CLEC16A: variants seen among roughly 807,000 people sequenced by gnomAD.
The protein encoded by CLEC16A is C-type lectin domain containing 16A, also known as protein CLEC16A.
CLEC16A carries 51 observed loss-of-function variants against 109.5 expected under a neutral mutation model. The ratio of observed to expected loss-of-function variants is 0.47; its 90% CI spans 0.37 to 0.59. The LOEUF is 0.59. Ranked by LOEUF, CLEC16A falls within the 20% of genes least tolerant of loss-of-function variation. The pLI is 0.00. For synonymous variants in CLEC16A, 673 were observed against 564.2 expected (o/e 1.19, Z -2.73); for missense variants, 1,339 against 1,394.0 (o/e 0.96, Z 0.63).
chr16:10,960,393 C>G (rs984128801), intron 2 of CLEC16A, among the ~76,000 whole-genome samples: 1 of 152,172 alleles, frequency 6.6e-6, no homozygotes, highest in African/African-American at 2.4e-5. Flanking sequence ...GAATGTCTCC[C>G]AATCTGGGTT....
At chr16:11,132,990 G>A (rs1032562438) in intron 22 of CLEC16A, among the ~76,000 whole-genome samples, 1 of 152,160 alleles carries the variant, frequency 6.6e-6, no homozygotes, top group African/African-American at 2.4e-5. Flanking sequence ...GTGGTGGTTT[G>A]GGTGTGAGCT....
At chr16:11,042,514 C>T (rs540518436) in intron 15 of CLEC16A, among the ~76,000 whole-genome samples, 151 bp downstream of exon 15, 1 of 152,354 alleles carries the variant, frequency 6.6e-6, no homozygotes, top group South Asian at 2.1e-4. Flanking sequence ...TGAGACCCCA[C>T]TCCAACCTAC....
At chr16:10,958,023 G>T in intron 2 of CLEC16A, 113 bp downstream of exon 2, 2 of 1,051,920 alleles carry the variant, frequency 1.9e-6, no homozygotes, top group Non-Finnish European at 2.7e-6. Context: ...ATTTGATCTT[G>T]CCTAGATATC....
chr16:11,158,136 G>C (rs1435400515), intron 22 of CLEC16A, among the ~76,000 whole-genome samples: 1 of 152,214 alleles, frequency 6.6e-6, no homozygotes, highest in Non-Finnish European at 1.5e-5. Context: ...ATAAGGCCAT[G>C]CACACTTGCT....
At position 11,159,901 on chromosome 16, in the gene CLEC16A, A is replaced by G. The variant is rs27923; in HGVS notation, c.2642-6487A>G. Among the ~76,000 whole-genome samples, 298 of 152,324 alleles carry G rather than the reference A, an allele frequency of 2.0e-3. 2 individuals carry two copies. Among genetic ancestry groups the G allele is most frequent in the African/African-American group, 7.0e-3 (289 of 41,562 alleles). On this transcript the variant is annotated intron_variant, in intron 22 of 23. Coordinates refer to ENST00000409790, the MANE Select transcript of CLEC16A (RefSeq NM_015226.3). ...GGCATTTAGGCTTGGGTTTTAAAAT[A>G]TAACATAAGCCATCTCAAACCCTTC...
At chr16:10,985,920 G>T (rs539569921) in intron 10 of CLEC16A, among the ~76,000 whole-genome samples, 103 of 148,866 alleles carry the variant, frequency 6.9e-4, no homozygotes, top group African/African-American at 2.6e-3. Flanking sequence ...TGGCCAGGCT[G>T]CTCTTGAACT....
intron 10 of CLEC16A, among the ~76,000 whole-genome samples, 161 bp downstream of exon 10, chr16:10,983,152 A>C (rs952941822): frequency 3.3e-5 from 5 of 152,252 alleles, no homozygotes; most frequent in African/African-American, 1.2e-4. Flanking sequence ...TCTTGATTGC[A>C]TACCCAAGAG....
intron 18 of CLEC16A, among the ~76,000 whole-genome samples, chr16:11,054,928 C>A: frequency 1.5e-5 from 2 of 137,544 alleles, no homozygotes. Flanking sequence ...CAAAGGTTTT[C>A]TTTCTTTTTT....
chr16:10,985,400 C>T (rs188354754), intron 10 of CLEC16A, among the ~76,000 whole-genome samples: 13 of 152,078 alleles, frequency 8.5e-5, no homozygotes, highest in African/African-American at 3.1e-4. Flanking sequence ...ATCTGGTCCC[C>T]ATCAATGCAC....
chr16:11,063,083 A>T (rs1056664332), intron 19 of CLEC16A, among the ~76,000 whole-genome samples: 1 of 152,132 alleles, frequency 6.6e-6, no homozygotes, highest in African/African-American at 2.4e-5. Flanking sequence ...GCTAGTTGAG[A>T]TCACTTAACT....
intron 21 of CLEC16A, among the ~76,000 whole-genome samples, chr16:11,125,404 A>G (rs1336169258): frequency 6.6e-6 from 1 of 152,146 alleles, no homozygotes; most frequent in Non-Finnish European, 1.5e-5. Flanking sequence ...GTTAGAACTA[A>G]AGCCTTGGGT....
intron 11 of CLEC16A, among the ~76,000 whole-genome samples, chr16:11,018,436 T>C (rs1464519689): frequency 1.3e-5 from 2 of 151,580 alleles, no homozygotes; most frequent in Non-Finnish European, 2.9e-5. Flanking sequence ...AGGAAATTAC[T>C]GTGTAAAGAT....
intron 10 of CLEC16A, among the ~76,000 whole-genome samples, chr16:10,994,887 C>T (rs1051997357): frequency 2.6e-5 from 4 of 152,142 alleles, no homozygotes; most frequent in Non-Finnish European, 2.9e-5. Context: ...GCTGGCCCAA[C>T]GTTGGGAGGT....
rs2041917893 is a variant in CLEC16A at position 10,954,948 on chromosome 16, C to G, written c.81-2834C>G. On this transcript the variant is annotated intron_variant, in intron 1 of 23. Coordinates refer to ENST00000409790, the MANE Select transcript of CLEC16A (RefSeq NM_015226.3). This position sits in a 1 kb window ranked among gnomAD's most constrained non-coding sequence, Gnocchi z 4.2. ...CTAATCACCATGGCAGCCAAGCCTG[C>G]TTCTGTTGAGCCCTTGCTCTGTGCC... Among the ~76,000 whole-genome samples the G allele has an allele frequency of 1.3e-5, 2 of 152,250 alleles. No individual in the cohort carries two copies. Among genetic ancestry groups the G allele is most frequent in the South Asian group, 4.1e-4 (2 of 4,836 alleles).
intron 1 of CLEC16A, among the ~76,000 whole-genome samples, chr16:10,956,546 GTGAA>G (rs1261382650): frequency 6.6e-6 from 1 of 152,174 alleles, no homozygotes; most frequent in African/African-American, 2.4e-5. Context: ...CCCTTGACAG[GTGAA>G]GTTACCTGGG....
intron 11 of CLEC16A, 99 bp from the exon 12 acceptor site, chr16:11,020,094 G>T: frequency 7.2e-7 from 1 of 1,384,414 alleles, no homozygotes; most frequent in Non-Finnish European, 9.7e-7. Context: ...GATGTGTTTG[G>T]AGTCATTTAT....
At chr16:11,022,987 G>A (rs961381526) in intron 12 of CLEC16A, among the ~76,000 whole-genome samples, 1 of 148,492 alleles carries the variant, frequency 6.7e-6, no homozygotes, top group Non-Finnish European at 1.5e-5. Context: ...AAAAAAAAAA[G>A]TTTAAAATTA....
At chr16:11,058,797 C>T in intron 18 of CLEC16A, among the ~76,000 whole-genome samples, 1 of 152,170 alleles carries the variant, frequency 6.6e-6, no homozygotes, top group East Asian at 1.9e-4. Flanking sequence ...CCCACCTGCT[C>T]TGGTCCTGCA....
chr16:10,963,136 A>G (rs576156884), intron 3 of CLEC16A, among the ~76,000 whole-genome samples: 10 of 151,922 alleles, frequency 6.6e-5, no homozygotes, highest in African/African-American at 2.4e-4. Context: ...CCTGGCTTGC[A>G]GACGGCCACC....
Sources: gnomAD v4.1 joint callset for allele counts (sites outside exome capture counted in the v4.1 genomes callset) on GRCh38, gnomAD v4.1.1 for gene constraint, Gnocchi (gnomAD v3.1) non-coding constraint, MANE v1.5 for transcripts, NCBI Gene and HGNC (gene_info 2026-07-23, HGNC 2026-07-21) for gene names.